The following LPP variants were observed in gnomAD, a reference collection of about 807,000 sequenced individuals.
LPP encodes lipoma-preferred partner.
A neutral mutation model predicts 60.4 loss-of-function variants in LPP; 38 were observed. The ratio of observed to expected loss-of-function variants is 0.63; its 90% confidence interval spans 0.49 to 0.83. The LOEUF is 0.83. LPP is among the 40% of genes least tolerant of loss of function. The pLI is 0.00. For missense variants in LPP, 902 were observed against 783.6 expected (o/e 1.15, Z -1.80); for synonymous variants, 328 against 290.8 (o/e 1.13, Z -1.30).
rs548680799 is a variant in LPP, at chr3:188,525,201, A to G, written c.429+414A>G. Among the ~76,000 whole-genome samples the G allele has an allele frequency of 3.9e-5, 6 of 152,064 alleles. No homozygotes were observed. In the South Asian group the frequency reaches 8.3e-4, roughly 21 times the overall value. On this transcript the variant is annotated intron_variant, in intron 6 of 11. Transcript: ENST00000617246. ...AGGCTGGTCTCGAACTCCTGACCTC[A>G]TGATCTGCCTGCCTCAGCCTCCCAA...
chr3:188,632,134 C>T (rs1481471867), intron 7 of LPP, among the ~76,000 whole-genome samples: 6 of 151,582 alleles, frequency 4.0e-5, no homozygotes, highest in Admixed American at 3.9e-4. Context: ...TCCTTTTTTC[C>T]CTCCCTCTCT....
intron 3 of LPP, among the ~76,000 whole-genome samples, chr3:188,381,241 T>C (rs560440767): frequency 2.6e-5 from 4 of 152,356 alleles, no homozygotes; most frequent in African/African-American, 9.6e-5. Flanking sequence ...CTAAATTTAA[T>C]TTAAAATGCT....
chr3:188,821,379 T>A (rs954658547), intron 9 of LPP, among the ~76,000 whole-genome samples: 5 of 149,488 alleles, frequency 3.3e-5, no homozygotes, highest in Non-Finnish European at 7.4e-5. Flanking sequence ...ATTTTTTTTT[T>A]AAAGCTGCCC....
intron 7 of LPP, among the ~76,000 whole-genome samples, chr3:188,624,900 T>G (rs1364936905): frequency 6.6e-6 from 1 of 151,718 alleles, no homozygotes; most frequent in African/African-American, 2.4e-5. Context: ...CTTCCTTCAT[T>G]CCTTCCTTCT....
chr3:188,371,635 ATATATATTTTTTTTTTTT>A (rs1223876273), intron 3 of LPP, among the ~76,000 whole-genome samples: 6 of 29,044 alleles, frequency 2.1e-4, no homozygotes, highest in African/African-American at 3.4e-4. Context: ...ATATATATAT[ATATATATTTTTTTTTTTT>A]TTTTTTTTTT....
At chr3:188,214,181 A>G (rs1047846976) in intron 1 of LPP, among the ~76,000 whole-genome samples, 28 of 151,220 alleles carry the variant, frequency 1.9e-4, no homozygotes, top group Non-Finnish European at 3.8e-4. Context: ...GGCTGGCTGG[A>G]GTGCAATGGC....
chr3:188,861,254 C>CA (rs1765128079), intron 9 of LPP, among the ~76,000 whole-genome samples: 3 of 152,162 alleles, frequency 2.0e-5, no homozygotes, highest in Admixed American at 1.3e-4. Flanking sequence ...TTCTAACTCT[C>CA]TCTTTTTTTC....
chr3:188,275,385 C>T (rs983137848), intron 2 of LPP, among the ~76,000 whole-genome samples: 9 of 152,108 alleles, frequency 5.9e-5, no homozygotes, highest in Non-Finnish European at 1.3e-4. Context: ...AATGAGGTCT[C>T]CCCTCCCTCT....
intron 7 of LPP, among the ~76,000 whole-genome samples, chr3:188,640,661 A>G (rs975263109): frequency 1.7e-4 from 26 of 151,896 alleles, no homozygotes; most frequent in African/African-American, 5.3e-4. Context: ...AGTGATTTAT[A>G]TGGGCTACTC....
At chr3:188,716,406 A>T (rs1714013003) in intron 8 of LPP, among the ~76,000 whole-genome samples, 1 of 152,198 alleles carries the variant, frequency 6.6e-6, no homozygotes. Flanking sequence ...AATGTTCATG[A>T]ATAGAAACAG....
At chr3:188,157,909 G>A (rs1489396053) in intron 1 of LPP, among the ~76,000 whole-genome samples, 2 of 152,184 alleles carry the variant, frequency 1.3e-5, no homozygotes, top group African/African-American at 4.8e-5. Context: ...CAGAAGCAGG[G>A]AGAAGCTGCT....
At chr3:188,238,087 C>T (rs1050203170) in intron 2 of LPP, among the ~76,000 whole-genome samples, 1 of 152,192 alleles carries the variant, frequency 6.6e-6, no homozygotes, top group African/African-American at 2.4e-5. Flanking sequence ...TACTGCTTTT[C>T]CTTGCACTTT....
intron 8 of LPP, among the ~76,000 whole-genome samples, chr3:188,729,925 G>A (rs1348275228): frequency 1.3e-5 from 2 of 151,942 alleles, no homozygotes; most frequent in Admixed American, 1.3e-4. Context: ...AATTTTTGGT[G>A]GCTGCAGTGA....
chr3:188,863,973 A>AT (rs397779443), intron 9 of LPP, among the ~76,000 whole-genome samples: 2 of 150,632 alleles, frequency 1.3e-5, no homozygotes, highest in Non-Finnish European at 1.5e-5. Context: ...AAAAAAAAAA[A>AT]GTAAAAACCC....
chr3:188,473,461 C>A (rs769939731), intron 4 of LPP, among the ~76,000 whole-genome samples: 4 of 152,160 alleles, frequency 2.6e-5, no homozygotes, highest in Non-Finnish European at 5.9e-5. Context: ...GTCAATGATT[C>A]TTAACCAGCG....
chr3:188,360,452 C>T (rs997267964), intron 3 of LPP, among the ~76,000 whole-genome samples: 6 of 152,058 alleles, frequency 3.9e-5, no homozygotes, highest in Non-Finnish European at 7.4e-5. Flanking sequence ...CTCTTCCTCC[C>T]TTCTTTCTCC....
chr3:188,733,167 A>T (rs2150067995), intron 8 of LPP, among the ~76,000 whole-genome samples: 1 of 152,248 alleles, frequency 6.6e-6, no homozygotes, highest in Non-Finnish European at 1.5e-5. Context: ...CAAGTCTCAT[A>T]TGTGACTGTG....
At chr3:188,175,188 C>T (rs1015762148) in intron 1 of LPP, among the ~76,000 whole-genome samples, 21 of 152,130 alleles carry the variant, frequency 1.4e-4, no homozygotes, top group Non-Finnish European at 2.9e-4. Flanking sequence ...TGGGTTCAGG[C>T]GATTCTCCTA....
intron 6 of LPP, among the ~76,000 whole-genome samples, chr3:188,536,438 G>A (rs1267502418): frequency 6.6e-6 from 1 of 152,134 alleles, no homozygotes; most frequent in Non-Finnish European, 1.5e-5. Flanking sequence ...TATTTCAAAT[G>A]TGATAAATAT....
Sources: allele counts gnomAD v4.1 joint callset (sites outside exome capture counted in the v4.1 genomes callset), GRCh38; gene constraint gnomAD v4.1.1; transcripts MANE v1.5; gene names NCBI Gene and HGNC (gene_info 2026-07-23, HGNC 2026-07-21).